Variants in LARS2 observed in about 807,000 individuals in gnomAD.
LARS2 encodes leucine--tRNA ligase, mitochondrial.
Under a neutral mutation model 116.6 loss-of-function variants are expected in LARS2, and 81 were observed. The observed-to-expected ratio is 0.69, with a 90% CI of 0.58 to 0.84. The LOEUF (loss-of-function observed/expected upper bound fraction) is 0.84, where lower values mean the gene tolerates loss of function less well. Ranked by LOEUF, LARS2 falls within the 40% of genes least tolerant of loss-of-function variation. LARS2 has a pLI of 0.00. For missense variants in LARS2, 968 were observed against 1,114.5 expected, an observed-to-expected ratio of 0.87 and a Z score of 1.87; for synonymous variants, 396 against 407.2, an observed-to-expected ratio of 0.97 and a Z score of 0.33.
intron 7 of LARS2, among the ~76,000 whole-genome samples, chr3:45,447,573 C>T (rs1226123630): frequency 6.6e-6 from 1 of 152,124 alleles, no homozygotes; most frequent in East Asian, 1.9e-4. Flanking sequence ...TGCTGTTCTA[C>T]TTACTGCCAT....
At chr3:45,535,884 G>C (rs1700698216) in intron 20 of LARS2, among the ~76,000 whole-genome samples, 1 of 152,200 alleles carries the variant, frequency 6.6e-6, no homozygotes, top group African/African-American at 2.4e-5. Context: ...CATGCCAGCT[G>C]TGACCATTGG....
chr3:45,430,192 T>C (rs568949577), intron 6 of LARS2, among the ~76,000 whole-genome samples: 8 of 150,974 alleles, frequency 5.3e-5, no homozygotes, highest in South Asian at 4.2e-4. Context: ...CCAGGATGGT[T>C]TCAATCTCTG....
chr3:45,400,958 T>C (rs1466962782), intron 4 of LARS2, among the ~76,000 whole-genome samples: 2 of 151,650 alleles, frequency 1.3e-5, no homozygotes, highest in East Asian at 3.9e-4. Context: ...GGACTACAGG[T>C]GCCCACCACC....
intron 21 of LARS2, among the ~76,000 whole-genome samples, chr3:45,546,470 A>G (rs1700877406): frequency 6.6e-6 from 1 of 152,254 alleles, no homozygotes; most frequent in Admixed American, 6.5e-5. Context: ...TGCAGACAAT[A>G]AAAATGCCAC....
rs369204755 is a variant in LARS2 at position 45,547,347 on chromosome 3, T to A, written c.2533-4T>A. 5 of 1,601,558 alleles carry A rather than the reference T, an allele frequency of 3.1e-6. No homozygotes were observed. Reference sequence around the variant, plus strand: ...TTGTTTATCTTGGCTTTTCTCCTTCTCAGATCAACAATAAAGCTTGTGGCA... The same window carrying A: ...TTGTTTATCTTGGCTTTTCTCCTTCACAGATCAACAATAAAGCTTGTGGCA... On this transcript the variant is annotated splice_region_variant and splice_polypyrimidine_tract_variant and intron_variant, in intron 21 of 21. Transcript: ENST00000645846.
Position 45,547,564 on chromosome 3 carries a change from T to C in LARS2, c.*34T>C. 6.4e-7 allele frequency: 1 copy of C among 1,563,392 alleles called. No homozygotes were observed. Among genetic ancestry groups the C allele is most frequent in the Non-Finnish European group, 8.7e-7 (1 of 1,153,084 alleles). On this transcript the variant is annotated 3_prime_UTR_variant, in exon 22 of 22. Transcript: ENST00000645846. ...AGGCTGCAGCTACCACGAGGGCCTC[T>C]GAGGAACCTCCTTCCAGGCCTGGGA...
chr3:45,448,520 G>A (rs1699058489), intron 7 of LARS2, among the ~76,000 whole-genome samples: 2 of 152,172 alleles, frequency 1.3e-5, no homozygotes, highest in Admixed American at 6.5e-5. Flanking sequence ...GAAATATAGA[G>A]GTGTGAAGTG....
intron 4 of LARS2, among the ~76,000 whole-genome samples, chr3:45,410,468 C>T (rs1316235229): frequency 6.6e-6 from 1 of 152,158 alleles, no homozygotes; most frequent in Admixed American, 6.5e-5. Context: ...TGATTCTTGT[C>T]TACCACGGAC....
intron 4 of LARS2, among the ~76,000 whole-genome samples, chr3:45,407,741 T>C (rs905885265): frequency 2.7e-5 from 4 of 148,896 alleles, no homozygotes; most frequent in Admixed American, 2.7e-4. Flanking sequence ...GTTTCAAATA[T>C]AAAATTTTGT....
intron 6 of LARS2, among the ~76,000 whole-genome samples, chr3:45,441,949 T>G (rs1698919519): frequency 6.6e-6 from 1 of 152,302 alleles, no homozygotes; most frequent in South Asian, 2.1e-4. Context: ...GGAGGAACAA[T>G]TCTAGTTGGA....
intron 7 of LARS2, among the ~76,000 whole-genome samples, chr3:45,448,047 A>G (rs193240097): frequency 6.6e-6 from 1 of 152,198 alleles, no homozygotes; most frequent in African/African-American, 2.4e-5. Context: ...CAGGAGTTCA[A>G]GACTAGCCTG....
chr3:45,485,136 G>A (rs184761687), intron 10 of LARS2, among the ~76,000 whole-genome samples: 275 of 152,202 alleles, frequency 1.8e-3, no homozygotes, highest in Non-Finnish European at 9.6e-4. Context: ...CTTGTTTCCT[G>A]GATCCTATGT....
chr3:45,541,891 C>CA lies in LARS2; in HGVS notation c.2468dup (p.Ala824GlyfsTer14). The CA allele has an allele frequency of 6.2e-7, 1 of 1,614,256 alleles. No individual in the cohort carries two copies. The highest frequency in any genetic ancestry group is 8.5e-7 in the Non-Finnish European group (1 of 1,180,028). ...CACTTGGGATGCCAGTGTGCTGCTC[C>CA]AGGCATGGCCTGCTGTGGACCCGGA... is the stretch of plus-strand genomic sequence containing the variant. On this transcript the variant is annotated frameshift_variant, in exon 21 of 22. Transcript: ENST00000645846. LOFTEE classifies it high-confidence loss of function.
chr3:45,440,275 C>A (rs1698882290), intron 6 of LARS2, among the ~76,000 whole-genome samples: 2 of 152,194 alleles, frequency 1.3e-5, no homozygotes, highest in South Asian at 2.1e-4. Context: ...CTTTTAGAAT[C>A]CCTCCACTTT....
At position 45,419,725 on chromosome 3, in the gene LARS2, A is replaced by T. The variant is rs1387026564; in HGVS notation, c.512A>T (p.Asp171Val). ...LDRLGLCFSW[D>V]REITTCLPDY... ...CGTCTGGGCCTGTGTTTCAGCTGGG[A>T]TAGGGTAAGTCAACTCTTTTTCCTG... Residue 171 changes from aspartate (D) to valine (V), a missense_variant, in exon 6 of 22, where the codon GAT (aspartate) becomes GTT (valine). Coordinates refer to ENST00000645846, the MANE Select transcript of LARS2 (RefSeq NM_015340.4). 6.2e-7 allele frequency: 1 copy of T among 1,612,832 alleles called. No individual in the cohort carries two copies. The highest frequency in any genetic ancestry group is 1.7e-5 in the Admixed American group (1 of 60,016).
chr3:45,497,298 C>A (rs1244932472), intron 14 of LARS2, among the ~76,000 whole-genome samples: 1 of 150,780 alleles, frequency 6.6e-6, no homozygotes, highest in Non-Finnish European at 1.5e-5. Flanking sequence ...GAACCCCGCC[C>A]CCCCCAAAAA....
At position 45,518,129 on chromosome 3, in the gene LARS2, C is replaced by T. The variant is rs2276860; in HGVS notation, c.2214+57C>T. On this transcript the variant is annotated intron_variant, in intron 18 of 21. Coordinates refer to ENST00000645846, the MANE Select transcript of LARS2 (RefSeq NM_015340.4). Reference sequence around the variant, plus strand: ...CTGTAACCAAGCACTCTTTGGGAACCTTTGCCTGTGGTCTTTGCTGCCCTC... The same window carrying T: ...CTGTAACCAAGCACTCTTTGGGAACTTTTGCCTGTGGTCTTTGCTGCCCTC... The T allele has an allele frequency of 0.3, 420,138 of 1,424,194 alleles. 64,138 individuals are homozygous for T. Among genetic ancestry groups the T allele is most frequent in the Middle Eastern group, 0.41 (1,998 of 4,922 alleles). 88.2% of individuals were successfully genotyped at this position (1,424,194 alleles called of 1,614,324 possible).
At chr3:45,447,049 C>A in intron 7 of LARS2, 69 bp downstream of exon 7, 4 of 838,534 alleles carry the variant, frequency 4.8e-6, no homozygotes, top group Non-Finnish European at 5.8e-6. Context: ...GTAGTAGCAG[C>A]GAAAATGAAC....
intron 9 of LARS2, among the ~76,000 whole-genome samples, chr3:45,474,909 A>G (rs1699586623): frequency 6.6e-6 from 1 of 152,216 alleles, no homozygotes; most frequent in African/African-American, 2.4e-5. Flanking sequence ...TTTCAAAACT[A>G]GATAGACTTA....
Sources: gnomAD v4.1 joint callset for allele counts (sites outside exome capture counted in the v4.1 genomes callset) on GRCh38, gnomAD v4.1.1 for gene constraint, MANE v1.5 for transcripts, NCBI Gene and HGNC (gene_info 2026-07-23, HGNC 2026-07-21) for gene names.